Variants in SYN3 observed in about 807,000 individuals in gnomAD.
The protein encoded by SYN3 is synapsin III, also known as synapsin-3.
Under a neutral mutation model 65.8 loss-of-function variants are expected in SYN3, and 35 were observed. That is an observed-to-expected ratio of 0.53 (90% CI 0.41 to 0.70). The LOEUF (loss-of-function observed/expected upper bound fraction) is 0.70. Among genes scored for constraint, SYN3 ranks in the 30% least tolerant of loss-of-function variants. The pLI, the probability that SYN3 is intolerant of heterozygous loss-of-function variation, is 0.00. For missense variants in SYN3, 680 were observed against 749.0 expected (o/e 0.91, Z 1.08); for synonymous variants, 270 against 292.9 (o/e 0.92, Z 0.80).
At chr22:32,946,382 G>A (rs940964219) in intron 3 of SYN3, among the ~76,000 whole-genome samples, 1 of 152,172 alleles carries the variant, frequency 6.6e-6, no homozygotes, top group Non-Finnish European at 1.5e-5. Flanking sequence ...ATGAGTTCGT[G>A]TCCTTTGTAG....
At chr22:32,910,012 G>T (rs2050011847) in intron 4 of SYN3, among the ~76,000 whole-genome samples, 1 of 152,154 alleles carries the variant, frequency 6.6e-6, no homozygotes, top group Non-Finnish European at 1.5e-5. Context: ...TCTCTGGGTT[G>T]GCACTGGAGG....
At chr22:33,055,461 C>T (rs1019628040) in intron 1 of SYN3, among the ~76,000 whole-genome samples, 2 of 152,206 alleles carry the variant, frequency 1.3e-5, no homozygotes, top group Non-Finnish European at 2.9e-5. Context: ...GTAAATATCA[C>T]TACTTTGGGA....
At chr22:32,844,712 C>CT (rs1376474600) in intron 6 of SYN3, among the ~76,000 whole-genome samples, 2,062 of 143,758 alleles carry the variant, frequency 0.014, 30 homozygotes, top group African/African-American at 0.036. Flanking sequence ...CTTCTTCTTC[C>CT]TTTTTTTTTT....
intron 6 of SYN3, among the ~76,000 whole-genome samples, chr22:32,655,118 G>T (rs1348856656): frequency 6.6e-6 from 1 of 152,158 alleles, no homozygotes; most frequent in Admixed American, 6.5e-5. Flanking sequence ...GAAGAGATGG[G>T]GCCTTTGGGA....
intron 3 of SYN3, among the ~76,000 whole-genome samples, chr22:32,938,742 C>A (rs531208367): frequency 3.9e-5 from 6 of 152,072 alleles, no homozygotes; most frequent in East Asian, 3.9e-4. Flanking sequence ...GCCTGGCCAA[C>A]GTGGCAAAAC....
At position 32,667,798 on chromosome 22, in the gene SYN3, CTTTT is replaced by C. The variant is rs759464712; in HGVS notation, c.712-71066_712-71063del. Among the ~76,000 whole-genome samples the C allele has an allele frequency of 5.5e-3, 771 of 139,134 alleles. 10 individuals are homozygous for C. The highest frequency in any genetic ancestry group is 0.018 in the African/African-American group (695 of 38,020). The allele number at this position is 139,134 out of a possible 152,430, so 91.3% of individuals were successfully genotyped here. ...GGAGATCACTTTTCTTTCTTTCTTT[CTTTT>C]TTTTTTTTTTTTTGAGACGGAGTGT... is the stretch of plus-strand genomic sequence containing the variant. On this transcript the variant is annotated intron_variant, in intron 6 of 13. Coordinates refer to ENST00000358763, the MANE Select transcript of SYN3 (RefSeq NM_003490.4).
intron 6 of SYN3, among the ~76,000 whole-genome samples, chr22:32,830,530 A>G (rs1304968206): frequency 6.6e-6 from 1 of 152,160 alleles, no homozygotes; most frequent in Non-Finnish European, 1.5e-5. Context: ...CTGGAACGGA[A>G]GCTCTTGGGA....
intron 4 of SYN3, among the ~76,000 whole-genome samples, chr22:32,890,808 TAGAG>T (rs796904690): frequency 6.6e-6 from 1 of 151,366 alleles, no homozygotes; most frequent in Non-Finnish European, 1.5e-5. Context: ...ACTATATATA[TAGAG>T]AGAGAGAGAG....
At chr22:32,688,197 G>A (rs1601916239) in intron 6 of SYN3, among the ~76,000 whole-genome samples, 1 of 152,220 alleles carries the variant, frequency 6.6e-6, no homozygotes, top group South Asian at 2.1e-4. Flanking sequence ...CTTCCATGTT[G>A]GGCATGTTCA....
At chr22:32,879,785 T>C (rs1490743655) in intron 4 of SYN3, among the ~76,000 whole-genome samples, 3 of 152,210 alleles carry the variant, frequency 2.0e-5, no homozygotes, top group African/African-American at 7.2e-5. Context: ...GGGATCCACA[T>C]GGAAATGGCT....
At chr22:33,021,228 C>G (rs2053554206) in intron 1 of SYN3, among the ~76,000 whole-genome samples, 1 of 152,142 alleles carries the variant, frequency 6.6e-6, no homozygotes. Flanking sequence ...GTGGGGATAC[C>G]AATACCCTGC....
At chr22:32,607,710 G>A (rs2059390828) in intron 6 of SYN3, among the ~76,000 whole-genome samples, 1 of 152,220 alleles carries the variant, frequency 6.6e-6, no homozygotes, top group Non-Finnish European at 1.5e-5. Context: ...GTTTCCCTGA[G>A]AAACGGAATA....
chr22:32,864,700 TTTGTTA>T, intron 6 of SYN3: 3 of 448,806 alleles, frequency 6.7e-6, no homozygotes, highest in Non-Finnish European at 1.2e-5. Flanking sequence ...GTGGTTCACC[TTTGTTA>T]TTTGCCCTAT....
chr22:32,850,336 C>T (rs1398413318), intron 6 of SYN3, among the ~76,000 whole-genome samples: 2 of 151,950 alleles, frequency 1.3e-5, no homozygotes, highest in Non-Finnish European at 2.9e-5. Context: ...TGGGGTTGGG[C>T]TTGGTGCTCC....
chr22:32,923,743 A>G (rs2050395436), intron 4 of SYN3, among the ~76,000 whole-genome samples: 1 of 152,216 alleles, frequency 6.6e-6, no homozygotes, highest in African/African-American at 2.4e-5. Flanking sequence ...TTGTTATACC[A>G]GTAAACTTGT....
At chr22:32,989,231 A>G (rs183124397) in intron 2 of SYN3, among the ~76,000 whole-genome samples, 26 of 152,252 alleles carry the variant, frequency 1.7e-4, no homozygotes, top group African/African-American at 6.0e-4. Flanking sequence ...TGGTTTCCTT[A>G]ACTGTAAAAA....
chr22:32,788,129 C>T (rs567184676), intron 6 of SYN3, among the ~76,000 whole-genome samples: 8 of 151,984 alleles, frequency 5.3e-5, no homozygotes, highest in Non-Finnish European at 1.2e-4. Flanking sequence ...CTCTTGAAAT[C>T]GGATAATCCA....
intron 3 of SYN3, among the ~76,000 whole-genome samples, chr22:32,936,429 C>A (rs1601730919): frequency 1.3e-5 from 2 of 152,202 alleles, no homozygotes; most frequent in East Asian, 3.9e-4. Flanking sequence ...TTCAGGGTAG[C>A]CATGGCAGCT....
chr22:32,730,546 A>G (rs1004565950), intron 6 of SYN3, among the ~76,000 whole-genome samples: 1 of 152,176 alleles, frequency 6.6e-6, no homozygotes, highest in Non-Finnish European at 1.5e-5. Flanking sequence ...TTCTGGTCTA[A>G]GTGTTACTTA....
Sources: gnomAD v4.1 joint callset for allele counts (sites outside exome capture counted in the v4.1 genomes callset) on GRCh38, gnomAD v4.1.1 for gene constraint, MANE v1.5 for transcripts, NCBI Gene and HGNC (gene_info 2026-07-23, HGNC 2026-07-21) for gene names.